The following CDC45 variants were observed in gnomAD, a reference collection of about 807,000 sequenced individuals.
CDC45 encodes cell division cycle 45, also known as cell division control protein 45 homolog.
Under a neutral mutation model 77.8 loss-of-function variants are expected in CDC45, and 54 were observed. The ratio of observed to expected loss-of-function variants is 0.69; its 90% CI spans 0.56 to 0.87. The LOEUF (loss-of-function observed/expected upper bound fraction) is 0.87, where lower values mean the gene tolerates loss of function less well. Ranked by LOEUF, CDC45 falls within the 40% of genes least tolerant of loss-of-function variation. The pLI is 0.00. For missense variants in CDC45, 649 were observed against 721.6 expected (o/e 0.90, Z 1.15); for synonymous variants, 260 against 272.1 (o/e 0.96, Z 0.44).
intron 5 of CDC45, among the ~76,000 whole-genome samples, chr22:19,485,521 G>C (rs1432606325): frequency 6.6e-6 from 1 of 152,226 alleles, no homozygotes; most frequent in African/African-American, 2.4e-5. Context: ...GGCTTGGCCA[G>C]CAGTGCCAAA....
At chr22:19,494,288 C>CATTT (rs768638921) in intron 5 of CDC45, 39 bp from the exon 6 acceptor site, 7 of 1,582,408 alleles carry the variant, frequency 4.4e-6, no homozygotes, top group Non-Finnish European at 5.2e-6. Flanking sequence ...ATTCCTGGTG[C>CATTT]ATTTGCTCCA....
intron 17 of CDC45, among the ~76,000 whole-genome samples, chr22:19,518,273 G>A (rs553932757): frequency 1.3e-5 from 2 of 152,316 alleles, no homozygotes; most frequent in African/African-American, 4.8e-5. Context: ...GCGTGGGCTG[G>A]GTCTGGGGCT....
chr22:19,479,817 C>T, upstream of CDC45: 1 of 780,642 alleles, frequency 1.3e-6, no homozygotes, highest in South Asian at 1.5e-5. Flanking sequence ...TCCAATGTGG[C>T]CCAATCAGAA....
At chr22:19,518,124 G>C (rs910059542) in intron 17 of CDC45, among the ~76,000 whole-genome samples, 1 of 152,228 alleles carries the variant, frequency 6.6e-6, no homozygotes, top group African/African-American at 2.4e-5. Context: ...ATGTGGGAGA[G>C]GTGGATGGAC....
chr22:19,496,556 T>C (rs1353813989), intron 7 of CDC45, among the ~76,000 whole-genome samples: 1 of 152,250 alleles, frequency 6.6e-6, no homozygotes, highest in Non-Finnish European at 1.5e-5. Flanking sequence ...GTATTTCCAG[T>C]GTCCCTTTTA....
At chr22:19,500,284 C>G (rs926178541) in intron 9 of CDC45, among the ~76,000 whole-genome samples, 2 of 152,146 alleles carry the variant, frequency 1.3e-5, no homozygotes, top group African/African-American at 4.8e-5. Flanking sequence ...CTCAGTGGCA[C>G]TTCCTGTACA....
At chr22:19,518,791 T>C (rs1422584028) in intron 17 of CDC45, 53 bp from the exon 18 acceptor site, 3 of 1,456,246 alleles carry the variant, frequency 2.1e-6, no homozygotes, top group Non-Finnish European at 2.9e-6. Context: ...CTGTGCCCTG[T>C]CTTGTGTTCC....
chr22:19,506,965 G>C (rs996226134), intron 10 of CDC45, among the ~76,000 whole-genome samples: 10 of 152,082 alleles, frequency 6.6e-5, no homozygotes. Context: ...GGCTGAGGAT[G>C]GGGGCGCTTC....
Position 19,495,938 on chromosome 22 carries a change from A to G in CDC45, c.543-43A>G, listed in dbSNP as rs1343854838. 9.8e-6 allele frequency: 14 copies of G among 1,432,728 alleles called. No individual in the cohort carries two copies. The East Asian group carries it at 3.2e-4, about 33-fold the overall frequency. 88.8% of individuals were successfully genotyped at this position (1,432,728 alleles called of 1,614,324 possible). On this transcript the variant is annotated intron_variant, in intron 6 of 18. Coordinates refer to ENST00000263201, the MANE Select transcript of CDC45 (RefSeq NM_003504.5). Reference sequence around the variant, plus strand: ...TTTTCCAAAATATTTGGCTTCCTGTACTGCTACTTCCTGTTGAAGACCTGC... The same window carrying G: ...TTTTCCAAAATATTTGGCTTCCTGTGCTGCTACTTCCTGTTGAAGACCTGC...
At chr22:19,494,265 G>C (rs1394260242) in intron 5 of CDC45, 62 bp from the exon 6 acceptor site, 2 of 1,479,128 alleles carry the variant, frequency 1.4e-6, no homozygotes, top group African/African-American at 2.8e-5. Flanking sequence ...ACCTTCTTGG[G>C]CTGTGGGGAT....
intron 4 of CDC45, among the ~76,000 whole-genome samples, chr22:19,483,107 C>T (rs1022691258): frequency 3.9e-5 from 6 of 152,134 alleles, no homozygotes; most frequent in African/African-American, 1.2e-4. Context: ...CATGCCACCA[C>T]GCCCAGCAAA....
At chr22:19,498,670 G>A (rs2090286613) in intron 8 of CDC45, among the ~76,000 whole-genome samples, 1 of 152,112 alleles carries the variant, frequency 6.6e-6, no homozygotes, top group Non-Finnish European at 1.5e-5. Context: ...GTGCCATGAG[G>A]GGCTCAGAGA....
intron 14 of CDC45, 26 bp from the exon 15 acceptor site, chr22:19,514,939 T>C (rs934311067): frequency 6.2e-7 from 1 of 1,614,128 alleles, no homozygotes; most frequent in African/African-American, 1.3e-5. Context: ...AGTGGCTTCG[T>C]CTGACCATCT....
chr22:19,490,881 G>A (rs2090144108), intron 5 of CDC45, among the ~76,000 whole-genome samples: 2 of 146,250 alleles, frequency 1.4e-5, no homozygotes, highest in African/African-American at 5.1e-5. Flanking sequence ...AGGCTGGTGT[G>A]CAGTGGCACA....
At chr22:19,513,596 C>T (rs1321137327) in intron 13 of CDC45, among the ~76,000 whole-genome samples, 2 of 152,178 alleles carry the variant, frequency 1.3e-5, no homozygotes, top group Non-Finnish European at 2.9e-5. Context: ...TTCCACTGTC[C>T]CCATGGATGT....
At chr22:19,513,515 C>T (rs1394821540) in intron 13 of CDC45, among the ~76,000 whole-genome samples, 1 of 152,126 alleles carries the variant, frequency 6.6e-6, no homozygotes, top group Non-Finnish European at 1.5e-5. Flanking sequence ...TTCTGTGAGC[C>T]CCTTTTTGCT....
intron 9 of CDC45, among the ~76,000 whole-genome samples, chr22:19,502,557 A>G (rs1292232569): frequency 6.6e-6 from 1 of 152,228 alleles, no homozygotes; most frequent in Non-Finnish European, 1.5e-5. Context: ...TAGCCATGAG[A>G]CAGCAGTACA....
intron 5 of CDC45, among the ~76,000 whole-genome samples, chr22:19,488,798 T>A (rs998596458): frequency 2.0e-5 from 3 of 152,228 alleles, no homozygotes; most frequent in African/African-American, 7.2e-5. Flanking sequence ...ATGGCTTTTT[T>A]TTAATTAAAG....
At chr22:19,494,098 T>G (rs372198262) in intron 5 of CDC45, among the ~76,000 whole-genome samples, 4 of 152,260 alleles carry the variant, frequency 2.6e-5, no homozygotes, top group East Asian at 3.9e-4. Flanking sequence ...CCCCTACTCT[T>G]TCTGCCCATG....
Sources: gnomAD v4.1 joint callset for allele counts (sites outside exome capture counted in the v4.1 genomes callset) on GRCh38, gnomAD v4.1.1 for gene constraint, MANE v1.5 for transcripts, NCBI Gene and HGNC (gene_info 2026-07-23, HGNC 2026-07-21) for gene names.